Variants in GPR155 observed in about 807,000 individuals in gnomAD.
The protein encoded by GPR155 is G protein-coupled receptor 155.
In GPR155, 65 loss-of-function variants were observed where a neutral mutation model predicts 93.1. The ratio of observed to expected loss-of-function variants is 0.70; its 90% confidence interval spans 0.57 to 0.86. The LOEUF is 0.86. GPR155 is among the 40% of genes least tolerant of loss of function. The pLI, the probability that GPR155 is intolerant of heterozygous loss-of-function variation, is 0.00. For synonymous variants in GPR155, 319 were observed against 360.1 expected, an observed-to-expected ratio of 0.89 and a Z score of 1.29; for missense variants, 838 against 1,034.8, an observed-to-expected ratio of 0.81 and a Z score of 2.61.
At chr2:174,468,399 G>C (rs1325706266) in intron 5 of GPR155, among the ~76,000 whole-genome samples, 1 of 152,080 alleles carries the variant, frequency 6.6e-6, no homozygotes, top group Admixed American at 6.6e-5. Flanking sequence ...ATTTTAGTTA[G>C]ATATATTCAG....
chr2:174,450,951 T>A (rs74700954), intron 11 of GPR155, among the ~76,000 whole-genome samples: 3,091 of 152,264 alleles, frequency 0.02, 93 homozygotes, highest in African/African-American at 0.069. Context: ...TGAATAAAAA[T>A]TATTTGTATA....
intron 11 of GPR155, among the ~76,000 whole-genome samples, chr2:174,449,832 C>A (rs1057320616): frequency 6.6e-6 from 1 of 151,986 alleles, no homozygotes; most frequent in Non-Finnish European, 1.5e-5. Context: ...AAAAATTAGC[C>A]GGGCATGGTG....
At chr2:174,455,047 A>G (rs1009805622) in intron 10 of GPR155, among the ~76,000 whole-genome samples, 1 of 152,192 alleles carries the variant, frequency 6.6e-6, no homozygotes, top group Non-Finnish European at 1.5e-5. Flanking sequence ...ATCTCAAAAT[A>G]GAAGAGAGGA....
chr2:174,437,245 T>C (rs537167647), intron 15 of GPR155, among the ~76,000 whole-genome samples: 1 of 152,268 alleles, frequency 6.6e-6, no homozygotes, highest in East Asian at 1.9e-4. Flanking sequence ...CAAGCATCAT[T>C]CAGGCTACAA....
At chr2:174,449,374 C>T (rs923032131) in intron 11 of GPR155, among the ~76,000 whole-genome samples, 3 of 152,156 alleles carry the variant, frequency 2.0e-5, no homozygotes, top group African/African-American at 7.2e-5. Flanking sequence ...AATCCCATTA[C>T]TGGGTACATA....
intron 2 of GPR155, among the ~76,000 whole-genome samples, chr2:174,474,357 T>A (rs1688082865): frequency 6.6e-6 from 1 of 152,144 alleles, no homozygotes; most frequent in Non-Finnish European, 1.5e-5. Flanking sequence ...AAGGAATGAA[T>A]GCCTTCAAAG....
intron 1 of GPR155, among the ~76,000 whole-genome samples, chr2:174,486,671 C>A (rs1053996375): frequency 2.0e-5 from 3 of 152,284 alleles, no homozygotes; most frequent in African/African-American, 7.2e-5. Context: ...CCCGCGCGAG[C>A]CTTCCCGGGT....
At chr2:174,450,392 G>A (rs1350428685) in intron 11 of GPR155, among the ~76,000 whole-genome samples, 1 of 152,088 alleles carries the variant, frequency 6.6e-6, no homozygotes, top group East Asian at 1.9e-4. Flanking sequence ...TGGGTGATGG[G>A]ATCATTTGTT....
At chr2:174,483,923 C>T (rs907314517) in intron 1 of GPR155, among the ~76,000 whole-genome samples, 6 of 152,138 alleles carry the variant, frequency 3.9e-5, no homozygotes, top group Non-Finnish European at 8.8e-5. Flanking sequence ...CTGGGTTTAC[C>T]ATCTAAAGTA....
At chr2:174,454,496 C>CT (rs1233063900) in intron 10 of GPR155, among the ~76,000 whole-genome samples, 2 of 151,988 alleles carry the variant, frequency 1.3e-5, no homozygotes, top group Non-Finnish European at 2.9e-5. Context: ...TTACAAAAAG[C>CT]TTTTTAAAAA....
chr2:174,439,056 C>G (rs1169665186), intron 15 of GPR155, among the ~76,000 whole-genome samples: 1 of 152,186 alleles, frequency 6.6e-6, no homozygotes, highest in South Asian at 2.1e-4. Flanking sequence ...AGTTCAGGAG[C>G]TGAGTTCTAG....
chr2:174,464,602 C>T (rs915108269), intron 7 of GPR155, among the ~76,000 whole-genome samples: 2 of 151,062 alleles, frequency 1.3e-5, no homozygotes, highest in Non-Finnish European at 2.9e-5. Flanking sequence ...AAGGGGGTTT[C>T]AGAGAGACTT....
At chr2:174,476,706 C>T (rs930767911) in intron 2 of GPR155, among the ~76,000 whole-genome samples, 1 of 152,206 alleles carries the variant, frequency 6.6e-6, no homozygotes, top group Non-Finnish European at 1.5e-5. Context: ...AATGCAAAGA[C>T]TCCATCAGCC....
At chr2:174,479,091 T>C (rs1045084903) in intron 2 of GPR155, among the ~76,000 whole-genome samples, 2 of 152,204 alleles carry the variant, frequency 1.3e-5, no homozygotes, top group African/African-American at 4.8e-5. Flanking sequence ...ACAAAAATTA[T>C]ACCTCGAAAT....
rs533047462 is a variant in GPR155, at chr2:174,435,638, A to T, written c.*478T>A. 6.6e-6 allele frequency: 1 copy of T among 152,488 alleles called. No homozygotes were observed. The highest frequency in any genetic ancestry group is 2.1e-4 in the South Asian group (1 of 4,838). The allele number at this position is 152,488 out of a possible 1,614,324, so 9.4% of individuals were successfully genotyped here. On this transcript the variant is annotated 3_prime_UTR_variant, in exon 16 of 16. Coordinates refer to ENST00000392552, the MANE Select transcript of GPR155 (RefSeq NM_152529.7). ...AGGCACCCGCCACCACACCCAACTA[A>T]TTTTTTGTATTTTATAGTAGAGACG...
intron 7 of GPR155, among the ~76,000 whole-genome samples, chr2:174,462,686 G>A (rs1002050390): frequency 1.3e-5 from 2 of 152,152 alleles, no homozygotes; most frequent in East Asian, 1.9e-4. Context: ...AGAAGTATGG[G>A]CAACTCTTAC....
intron 9 of GPR155, 66 bp downstream of exon 9, chr2:174,461,336 G>A (rs1687686499): frequency 3.3e-6 from 3 of 916,642 alleles, no homozygotes; most frequent in Admixed American, 1.9e-5. Flanking sequence ...TATAAGTCTA[G>A]CAAGGCACAT....
At chr2:174,469,109 A>T (rs757106204) in intron 4 of GPR155, 42 bp from the exon 5 acceptor site, 1 of 1,580,468 alleles carries the variant, frequency 6.3e-7, no homozygotes, top group Non-Finnish European at 8.7e-7. Flanking sequence ...AATCTCAATT[A>T]AACAGTATTT....
intron 10 of GPR155, among the ~76,000 whole-genome samples, chr2:174,457,177 T>G (rs1687543651): frequency 6.6e-6 from 1 of 152,050 alleles, no homozygotes; most frequent in African/African-American, 2.4e-5. Context: ...CCAGGCATGG[T>G]GGCACACACC....
Sources: gnomAD v4.1 joint callset for allele counts (sites outside exome capture counted in the v4.1 genomes callset) on GRCh38, gnomAD v4.1.1 for gene constraint, MANE v1.5 for transcripts, NCBI Gene and HGNC (gene_info 2026-07-23, HGNC 2026-07-21) for gene names.